The following ABCF3 variants were observed in gnomAD, a reference collection of about 807,000 sequenced individuals.
The protein encoded by ABCF3 is ATP-binding cassette sub-family F member 3.
In ABCF3, 62 loss-of-function variants were observed where a neutral mutation model predicts 94.3. That is an observed-to-expected ratio of 0.66 (90% confidence interval 0.54 to 0.81). ABCF3 has a LOEUF of 0.81. Ranked by LOEUF, ABCF3 falls within the 40% of genes least tolerant of loss-of-function variation. ABCF3 has a pLI of 0.00. For synonymous variants in ABCF3, 355 were observed against 361.1 expected (o/e 0.98, Z 0.19); for missense variants, 843 against 925.3 (o/e 0.91, Z 1.15).
intron 7 of ABCF3, 73 bp from the exon 8 acceptor site, chr3:184,188,688 C>A: frequency 1.3e-6 from 2 of 1,489,758 alleles, no homozygotes; most frequent in East Asian, 2.3e-5. Context: ...ATGGCCTTTC[C>A]AACGGTATAG....
At position 184,192,589 on chromosome 3, in the gene ABCF3, A is replaced by G; in HGVS notation, c.1570-12A>G. On this transcript the variant is annotated splice_polypyrimidine_tract_variant and intron_variant, in intron 16 of 20. Coordinates refer to ENST00000429586, the MANE Select transcript of ABCF3 (RefSeq NM_018358.3). Reference sequence around the variant, plus strand: ...CTGGCACACACTGTATGACATTTTCATGTTTCTTAAGGTTGGAGAGAATGG... The same window carrying G: ...CTGGCACACACTGTATGACATTTTCGTGTTTCTTAAGGTTGGAGAGAATGG... The G allele has an allele frequency of 6.2e-7, 1 of 1,605,080 alleles. No homozygotes were observed. The highest frequency in any genetic ancestry group is 8.5e-7 in the Non-Finnish European group (1 of 1,177,466).
Position 184,193,610 on chromosome 3 carries a change from A to AAGGAGGCGGCGT in ABCF3, c.2043_2054dup (p.Gly682_Val685dup). 1 of 1,614,116 alleles carries AAGGAGGCGGCGT rather than the reference A, an allele frequency of 6.2e-7. No homozygotes were observed. On this transcript the variant is annotated inframe_insertion, in exon 21 of 21. Transcript: ENST00000429586. This position sits in a 1 kb window ranked among gnomAD's most constrained non-coding sequence, Gnocchi z 5.2. Reference sequence around the variant, plus strand: ...GTGTGCCGGGAGTTGTGGGTATGCGAAGGAGGCGGCGTCACCCGTGTGGAA... The same window carrying AAGGAGGCGGCGT: ...GTGTGCCGGGAGTTGTGGGTATGCGAAGGAGGCGGCGTAGGAGGCGGCGTCACCCGTGTGGAA...
chr3:184,190,934 T>G, intron 14 of ABCF3, 65 bp from the exon 15 acceptor site: 1 of 1,578,426 alleles, frequency 6.3e-7, no homozygotes, highest in Non-Finnish European at 8.6e-7. Flanking sequence ...TCTGAACATA[T>G]ATTACTCGTG....
Position 184,188,422 on chromosome 3 carries a change from C to G in ABCF3, c.836+15C>G, listed in dbSNP as rs1034801617. On this transcript the variant is annotated intron_variant, in intron 7 of 20. Transcript: ENST00000429586. ...GCTGCTGGCAGGTGAGGACTCCCGG[C>G]TAGGGAGTAACTAGCAGCCGCTGTC... 1.3e-6 allele frequency: 2 copies of G among 1,596,260 alleles called. No individual in the cohort carries two copies. Among genetic ancestry groups the G allele is most frequent in the Non-Finnish European group, 1.7e-6 (2 of 1,169,192 alleles).
intron 1 of ABCF3, 78 bp downstream of exon 1, chr3:184,186,358 G>T: frequency 6.2e-7 from 1 of 1,601,412 alleles, no homozygotes; most frequent in Admixed American, 1.7e-5. Flanking sequence ...TCGTGCCCGG[G>T]ACTGTTGCCA....
At chr3:184,190,355 T>G (rs1715942373) in intron 14 of ABCF3, 3 of 199,954 alleles carry the variant, frequency 1.5e-5, no homozygotes, top group South Asian at 9.3e-5. Context: ...CCATTTGGGT[T>G]GTTTCCATTT....
chr3:184,188,900 A>G (rs200941398), intron 8 of ABCF3, 29 bp from the exon 9 acceptor site: 29 of 1,614,072 alleles, frequency 1.8e-5, no homozygotes, highest in East Asian at 8.9e-5. Context: ...GACTGTTCCA[A>G]CTGAGTTCTT....
At chr3:184,192,535 A>G (rs1263138078) in intron 16 of ABCF3, 66 bp from the exon 17 acceptor site, 4 of 1,442,836 alleles carry the variant, frequency 2.8e-6, no homozygotes, top group Non-Finnish European at 3.8e-6. Flanking sequence ...GTGCCCACAT[A>G]TGAATGAGAA....
intron 4 of ABCF3, 87 bp downstream of exon 4, chr3:184,187,530 T>C: frequency 6.5e-7 from 1 of 1,545,442 alleles, no homozygotes; most frequent in South Asian, 1.1e-5. Flanking sequence ...GGGGGATTTC[T>C]GACTATGTCT....
chr3:184,193,363 AGC>A lies in ABCF3; in HGVS notation c.1884-1_1884del. On this transcript the variant is annotated splice_acceptor_variant and coding_sequence_variant, in exon 20 of 21. Coordinates refer to ENST00000429586, the MANE Select transcript of ABCF3 (RefSeq NM_018358.3). LOFTEE classifies it high-confidence loss of function. The surrounding 1 kb of genome is among the most constrained non-coding windows in gnomAD (Gnocchi z 5.2). The stretch of plus-strand genomic sequence containing the variant: ...GCCCACCTTCCTGGTTCTGCCTTCC[AGC>A]CCCAACTTCTACATTCTGGATGAAC... The A allele has an allele frequency of 6.2e-7, 1 of 1,614,014 alleles. No individual in the cohort carries two copies. Among genetic ancestry groups the A allele is most frequent in the Non-Finnish European group, 8.5e-7 (1 of 1,180,002 alleles).
rs368804429 is a variant in ABCF3 at position 184,191,195 on chromosome 3, G to A, written c.1509G>A (p.Pro503=). 17 of 1,614,074 alleles carry A rather than the reference G, an allele frequency of 1.1e-5. No homozygotes were observed. Among genetic ancestry groups the A allele is most frequent in the East Asian group, 6.7e-5 (3 of 44,896 alleles). The part of the protein sequence containing the change: ...QLDEVDFYYD[P]KHVIFSRLSV... ...ATGAGGTGGATTTCTACTACGATCC[G>A]AAGCACGTCATCTTCAGTCGCCTCT... The change falls in exon 16 of 21, where the codon CCG becomes CCA. Residue 503 remains proline, a synonymous_variant. Coordinates refer to ENST00000429586, the MANE Select transcript of ABCF3 (RefSeq NM_018358.3).
chr3:184,189,908 TA>T lies in ABCF3; in HGVS notation c.1371del (p.Lys457AsnfsTer11). On this transcript the variant is annotated frameshift_variant, in exon 14 of 21. Coordinates refer to ENST00000429586, the MANE Select transcript of ABCF3 (RefSeq NM_018358.3). LOFTEE classifies it high-confidence loss of function. ...NANRASQVQS[K>X]LKMLEKLPEL... is the part of the protein sequence containing the mutation. ...CCAACAGGGCCTCTCAAGTGCAGAG[TA>T]AACTCAAGATGCTGGAGAAGCTGTG... The T allele has an allele frequency of 6.2e-7, 1 of 1,614,164 alleles. No homozygotes were observed. The highest frequency in any genetic ancestry group is 8.5e-7 in the Non-Finnish European group (1 of 1,180,034).
intron 9 of ABCF3, 33 bp from the exon 10 acceptor site, chr3:184,189,055 A>ACCCAC (rs1302972111): frequency 6.2e-7 from 1 of 1,613,810 alleles, no homozygotes; most frequent in Admixed American, 1.7e-5. Context: ...CCTGATGAAC[A>ACCCAC]CCCACCCATA....
rs118183801 is a variant in ABCF3, at chr3:184,192,816, T to C, written c.1670T>C (p.Ile557Thr). 487 of 1,614,080 alleles carry C rather than the reference T, an allele frequency of 3.0e-4. 2 individuals are homozygous for C. In the East Asian group the frequency reaches 9.4e-3, roughly 31 times the overall value. ...GCTTCTGCCTGCAGGAATCTGAAGA[T>C]TGGCTATTTCAGCCAGCACCATGTG... is the stretch of plus-strand genomic sequence containing the variant. Reference protein sequence around the residue: ...GIRHAHRNLKIGYFSQHHVEQ... With the variant: ...GIRHAHRNLKTGYFSQHHVEQ... The change falls in exon 18 of 21, where the codon ATT (isoleucine) becomes ACT (threonine). Residue 557 changes from isoleucine to threonine, a missense_variant. Coordinates refer to ENST00000429586, the MANE Select transcript of ABCF3 (RefSeq NM_018358.3).
chr3:184,188,642 C>T (rs542898361), intron 7 of ABCF3, 119 bp from the exon 8 acceptor site: 25 of 1,130,688 alleles, frequency 2.2e-5, no homozygotes, highest in Non-Finnish European at 3.2e-5. Context: ...CAAACCCTTC[C>T]TGTATTCTCT....
intron 1 of ABCF3, 110 bp from the exon 2 acceptor site, chr3:184,186,397 C>T (rs1715620335): frequency 1.3e-6 from 2 of 1,582,170 alleles, no homozygotes; most frequent in East Asian, 2.2e-5. Context: ...CCTCTTGTCC[C>T]GGGGGCTGGT....
At chr3:184,189,044 C>T in intron 9 of ABCF3, 44 bp from the exon 10 acceptor site, 1 of 1,614,176 alleles carries the variant, frequency 6.2e-7, no homozygotes, top group East Asian at 2.2e-5. Flanking sequence ...CCCCTTCCTG[C>T]CCTGATGAAC....
At chr3:184,188,674 G>A in intron 7 of ABCF3, 87 bp from the exon 8 acceptor site, 1 of 1,357,750 alleles carries the variant, frequency 7.4e-7, no homozygotes, top group Non-Finnish European at 1.0e-6. Flanking sequence ...CCACAAGGTA[G>A]CCAATGGCCT....
chr3:184,192,491 C>A, intron 16 of ABCF3, 110 bp from the exon 17 acceptor site: 2 of 1,030,052 alleles, frequency 1.9e-6, no homozygotes, highest in Non-Finnish European at 2.8e-6. Context: ...AACCACAACT[C>A]TGCTCTCTAC....
Sources: gnomAD v4.1 joint callset for allele counts on GRCh38, gnomAD v4.1.1 for gene constraint, Gnocchi (gnomAD v3.1) non-coding constraint, MANE v1.5 for transcripts, NCBI Gene and HGNC (gene_info 2026-07-23, HGNC 2026-07-21) for gene names.